INSC: variants seen among roughly 807,000 people sequenced by gnomAD.
INSC encodes protein inscuteable homolog.
A neutral mutation model predicts 58.6 loss-of-function variants in INSC; 67 were observed. That is an observed-to-expected ratio of 1.14 (90% CI 0.94 to 1.40). INSC has a LOEUF of 1.40. INSC is among the 40% of genes most tolerant of loss of function. INSC has a pLI of 0.00. For synonymous variants in INSC, 262 were observed against 276.1 expected, an observed-to-expected ratio of 0.95 and a Z score of 0.51; for missense variants, 714 against 692.0, an observed-to-expected ratio of 1.03 and a Z score of -0.36.
intron 1 of INSC, among the ~76,000 whole-genome samples, chr11:15,117,481 G>C (rs1350773879): frequency 6.6e-6 from 1 of 152,196 alleles, no homozygotes; most frequent in Non-Finnish European, 1.5e-5. Context: ...TTTTCCCATT[G>C]TGCTTCCCTT....
chr11:15,171,152 G>T (rs1849383568), intron 2 of INSC, among the ~76,000 whole-genome samples: 1 of 152,152 alleles, frequency 6.6e-6, no homozygotes. Flanking sequence ...TGGCTGTGGG[G>T]TTGGGTTGGT....
chr11:15,145,446 G>A (rs933298363), intron 1 of INSC, among the ~76,000 whole-genome samples: 3 of 152,176 alleles, frequency 2.0e-5, no homozygotes, highest in Non-Finnish European at 4.4e-5. Flanking sequence ...TTTGGAAGGG[G>A]TTTATTCTTC....
chr11:15,258,502 G>A, the INSC span, among the ~76,000 whole-genome samples: 1 of 152,224 alleles, frequency 6.6e-6, no homozygotes, highest in African/African-American at 2.4e-5. Context: ...TTACCAATTA[G>A]AGGAGTAGAT....
chr11:15,180,701 G>GA (rs1471751073), intron 5 of INSC, among the ~76,000 whole-genome samples: 6 of 107,186 alleles, frequency 5.6e-5, no homozygotes, highest in African/African-American at 3.5e-5. Flanking sequence ...GGGCGGGGGG[G>GA]GGTGGTGGCC....
intron 9 of INSC, among the ~76,000 whole-genome samples, chr11:15,233,200 C>A (rs532245472): frequency 6.6e-6 from 1 of 152,182 alleles, no homozygotes; most frequent in South Asian, 2.1e-4. Context: ...ATTCACCAAA[C>A]AAATGCAGGG....
At chr11:15,170,109 T>C (rs1564882056) in intron 2 of INSC, among the ~76,000 whole-genome samples, 1 of 152,228 alleles carries the variant, frequency 6.6e-6, no homozygotes, top group Non-Finnish European at 1.5e-5. Flanking sequence ...ACAATGTAAA[T>C]ACTATGTAAA....
intron 9 of INSC, among the ~76,000 whole-genome samples, chr11:15,233,523 C>A (rs1287996389): frequency 6.6e-6 from 1 of 152,134 alleles, no homozygotes; most frequent in Admixed American, 6.5e-5. Flanking sequence ...TTCATCTGCA[C>A]CTCCAGAAAA....
chr11:15,167,758 A>G (rs1419838830), intron 2 of INSC, among the ~76,000 whole-genome samples: 1 of 152,114 alleles, frequency 6.6e-6, no homozygotes, highest in Non-Finnish European at 1.5e-5. Flanking sequence ...TGTTGGGATT[A>G]CAGGCATGAG....
chr11:15,175,035 T>G (rs1849526233), intron 2 of INSC, among the ~76,000 whole-genome samples: 1 of 152,230 alleles, frequency 6.6e-6, no homozygotes, highest in Non-Finnish European at 1.5e-5. Flanking sequence ...CTAAATATAG[T>G]TAATTTTGTT....
chr11:15,116,805 T>TTTCTTTCTTTCTTTCTTTC (rs1554900053), intron 1 of INSC, among the ~76,000 whole-genome samples: 9 of 19,978 alleles, frequency 4.5e-4, no homozygotes, highest in South Asian at 2.8e-3. Flanking sequence ...CTTTTCTTTC[T>TTTCTTTCTTTCTTTCTTTC]TTTCTTTCTT....
At chr11:15,115,066 G>T (rs1189934433) in intron 1 of INSC, 63 bp downstream of exon 1, 1 of 955,348 alleles carries the variant, frequency 1.0e-6, no homozygotes. Flanking sequence ...AGCCTAGTTG[G>T]GAACAGTGCA....
chr11:15,233,212 G>A (rs1356573853), intron 9 of INSC, among the ~76,000 whole-genome samples: 1 of 152,192 alleles, frequency 6.6e-6, no homozygotes, highest in African/African-American at 2.4e-5. Flanking sequence ...AATGCAGGGG[G>A]AATGGTGCCC....
At chr11:15,233,661 GCAGA>G in intron 9 of INSC, among the ~76,000 whole-genome samples, 1 of 152,154 alleles carries the variant, frequency 6.6e-6, no homozygotes, top group South Asian at 2.1e-4. Context: ...ACCCGTTGCC[GCAGA>G]CAAAGATTTC....
chr11:15,244,889 C>A (rs1477823445), intron 12 of INSC, among the ~76,000 whole-genome samples: 1 of 152,176 alleles, frequency 6.6e-6, no homozygotes, highest in Non-Finnish European at 1.5e-5. Flanking sequence ...AAGCACTTAG[C>A]ATGCATTGTC....
chr11:15,206,627 CT>C (rs1589969017), intron 7 of INSC, among the ~76,000 whole-genome samples: 1 of 152,206 alleles, frequency 6.6e-6, no homozygotes. Context: ...TGAGGGTGGC[CT>C]TCCTGGAGGA....
the INSC span, among the ~76,000 whole-genome samples, chr11:15,260,311 A>G: frequency 1.3e-5 from 2 of 152,208 alleles, no homozygotes; most frequent in African/African-American, 4.8e-5. Context: ...TGAAAAGACA[A>G]CAGTAGAATG....
intron 6 of INSC, 99 bp downstream of exon 6, chr11:15,190,913 C>G (rs1850145017): frequency 2.6e-6 from 2 of 774,216 alleles, no homozygotes; most frequent in African/African-American, 3.4e-5. Context: ...TCTGTCTTGG[C>G]CCCTGCATTA....
intron 5 of INSC, among the ~76,000 whole-genome samples, chr11:15,186,008 T>C (rs899477479): frequency 2.6e-5 from 4 of 152,156 alleles, no homozygotes; most frequent in African/African-American, 9.7e-5. Flanking sequence ...TATTGTTCCC[T>C]CTTCTTACTA....
At chr11:15,140,498 C>A (rs1035510296) in intron 1 of INSC, among the ~76,000 whole-genome samples, 9 of 152,144 alleles carry the variant, frequency 5.9e-5, no homozygotes, top group African/African-American at 2.2e-4. Flanking sequence ...AATGAGGAAG[C>A]CTGTGTGCAT....
Sources: allele counts gnomAD v4.1 joint callset (sites outside exome capture counted in the v4.1 genomes callset), GRCh38; gene constraint gnomAD v4.1.1; transcripts MANE v1.5; gene names NCBI Gene and HGNC (gene_info 2026-07-23, HGNC 2026-07-21).